GNAS-AS1: variants seen among roughly 807,000 people sequenced by gnomAD.
GNAS-AS1 encodes the protein GNAS antisense RNA 1 (non-protein coding).
At chr20:58,836,044 G>A (rs2085600622) in intron 4 of GNAS-AS1, among the ~76,000 whole-genome samples, 1 of 152,034 alleles carries the variant, frequency 6.6e-6, no homozygotes, top group South Asian at 2.1e-4. Flanking sequence ...CACTTTCAAT[G>A]CTTCCAAAAT....
At chr20:58,850,004 T>C (rs1448158382) in intron 1 of GNAS-AS1, among the ~76,000 whole-genome samples, 1 of 152,130 alleles carries the variant, frequency 6.6e-6, no homozygotes, top group African/African-American at 2.4e-5. Context: ...ATCTAATTTC[T>C]CCTAACTTTT....
At chr20:58,833,655 C>T (rs143251476) in intron 4 of GNAS-AS1, among the ~76,000 whole-genome samples, 24 of 152,286 alleles carry the variant, frequency 1.6e-4, no homozygotes, top group African/African-American at 4.8e-4. Flanking sequence ...CCGGCTAGGG[C>T]ACTGATCTGA....
At chr20:58,846,216 TAAAG>T (rs897909504) in intron 2 of GNAS-AS1, among the ~76,000 whole-genome samples, 2 of 152,156 alleles carry the variant, frequency 1.3e-5, no homozygotes, top group Non-Finnish European at 2.9e-5. Flanking sequence ...TTGGCGGTTA[TAAAG>T]AAAGTCGTTT....
Position 58,826,025 on chromosome 20 carries a change from C to G in GNAS-AS1, n.820-6770G>C. On this transcript the variant is annotated intron_variant and non_coding_transcript_variant, in intron 4 of 4. Coordinates refer to ENST00000424094, the Ensembl canonical transcript of GNAS-AS1. ...CTCCTGAGCTTGCTCTTTTGCTTACCTTTAGACGATGACTTCAGCGAGAAA... is the reference window on the plus strand; with the variant it reads ...CTCCTGAGCTTGCTCTTTTGCTTACGTTTAGACGATGACTTCAGCGAGAAA... 7.5e-6 allele frequency: 3 copies of G among 398,616 alleles called. No individual in the cohort carries two copies. The East Asian group carries it at 1.1e-4, about 14-fold the overall frequency. The allele number at this position is 398,616 out of a possible 1,614,324, so 24.7% of individuals were successfully genotyped here.
chr20:58,828,596 G>A (rs2085535168), intron 4 of GNAS-AS1, among the ~76,000 whole-genome samples: 1 of 152,200 alleles, frequency 6.6e-6, no homozygotes, highest in South Asian at 2.1e-4. Context: ...CCAGCTCCAG[G>A]ATGACTCCTG....
intron 4 of GNAS-AS1, among the ~76,000 whole-genome samples, chr20:58,833,371 C>T (rs965808): frequency 3.3e-5 from 5 of 152,028 alleles, no homozygotes; most frequent in Non-Finnish European, 5.9e-5. Context: ...GATGGGGAAG[C>T]GGGGGTCCAG....
intron 4 of GNAS-AS1, among the ~76,000 whole-genome samples, chr20:58,822,399 G>A (rs985115936): frequency 1.3e-5 from 2 of 152,144 alleles, no homozygotes; most frequent in East Asian, 1.9e-4. Flanking sequence ...GAAAGGGGGC[G>A]GCCGCACCCC....
At chr20:58,845,704 C>T (rs1485334845) in intron 2 of GNAS-AS1, among the ~76,000 whole-genome samples, 2 of 152,138 alleles carry the variant, frequency 1.3e-5, no homozygotes, top group African/African-American at 4.8e-5. Context: ...TGAGTTTTTT[C>T]AAACGCCTCC....
At chr20:58,825,127 A>G (rs1362814618) in intron 4 of GNAS-AS1, among the ~76,000 whole-genome samples, 2 of 152,268 alleles carry the variant, frequency 1.3e-5, no homozygotes, top group Admixed American at 6.5e-5. Flanking sequence ...TTGACTTATT[A>G]TTAGACAACA....
chr20:58,850,158 C>T (rs1412397840), intron 1 of GNAS-AS1, among the ~76,000 whole-genome samples: 1 of 152,174 alleles, frequency 6.6e-6, no homozygotes, highest in South Asian at 2.1e-4. Context: ...ATAGCCAAGG[C>T]GTCTATCCTT....
At chr20:58,826,872 T>TTTTTTTTTTTTTTTTG in intron 4 of GNAS-AS1, 1 of 143,004 alleles carries the variant, frequency 7.0e-6, no homozygotes, top group Non-Finnish European at 1.5e-5. Context: ...GCTTTTTTTT[T>TTTTTTTTTTTTTTTTG]TTTTTTTTTT....
At chr20:58,834,852 T>A (rs1212063991) in intron 4 of GNAS-AS1, among the ~76,000 whole-genome samples, 1 of 152,218 alleles carries the variant, frequency 6.6e-6, no homozygotes, top group Non-Finnish European at 1.5e-5. Flanking sequence ...TACAGTATTG[T>A]AATCCCAAAA....
rs1568906603 is a variant in GNAS-AS1, at chr20:58,840,108, T to A, written n.819+1829A>T. The A allele has an allele frequency of 6.2e-7, 1 of 1,610,390 alleles. No homozygotes were observed. The highest frequency in any genetic ancestry group is 1.1e-5 in the South Asian group (1 of 91,030). Reference sequence around the variant, plus strand: ...GCTTCTCGGTGTGTGCCTAAGAGGATGGATCGGAGGTCCCGGGCTCAGCAG... The same window carrying A: ...GCTTCTCGGTGTGTGCCTAAGAGGAAGGATCGGAGGTCCCGGGCTCAGCAG... On this transcript the variant is annotated intron_variant and non_coding_transcript_variant, in intron 4 of 4. Coordinates refer to ENST00000424094, the Ensembl canonical transcript of GNAS-AS1. This position sits in a 1 kb window ranked among gnomAD's most constrained non-coding sequence, Gnocchi z 6.0.
chr20:58,830,528 C>A (rs187054363), intron 4 of GNAS-AS1, among the ~76,000 whole-genome samples: 1 of 1,592 alleles, frequency 6.3e-4, no homozygotes. Flanking sequence ...ACCACACCAC[C>A]ATCATACCAT....
intron 4 of GNAS-AS1, chr20:58,819,359 C>T (rs1286525133): frequency 1.3e-5 from 5 of 397,562 alleles, no homozygotes; most frequent in Non-Finnish European, 2.2e-5. Flanking sequence ...GCGGCATGAT[C>T]GCCTGCGGTC....
intron 4 of GNAS-AS1, among the ~76,000 whole-genome samples, chr20:58,822,134 C>T (rs567803934): frequency 2.0e-5 from 3 of 152,332 alleles, no homozygotes; most frequent in Non-Finnish European, 2.9e-5. Flanking sequence ...TCCCCAGACC[C>T]GGCCATTCAA....
chr20:58,849,448 A>C (rs1568918000), intron 1 of GNAS-AS1, among the ~76,000 whole-genome samples: 1 of 152,052 alleles, frequency 6.6e-6, no homozygotes, highest in Non-Finnish European at 1.5e-5. Flanking sequence ...TGACTCCATA[A>C]ATTCATCTTT....
exon 1 of GNAS-AS1, chr20:58,850,704 G>A: frequency 2.5e-6 from 1 of 398,904 alleles, no homozygotes; most frequent in Non-Finnish European, 4.4e-6. Context: ...TTAGCCTGCC[G>A]CCATCAACAC....
chr20:58,828,748 T>C lies in GNAS-AS1; in HGVS notation n.820-9493A>G, dbSNP rs535187816. Among the ~76,000 whole-genome samples the C allele has an allele frequency of 2.6e-5, 4 of 152,348 alleles. No homozygotes were observed. In the South Asian group the frequency reaches 8.3e-4, roughly 32 times the overall value. On this transcript the variant is annotated intron_variant and non_coding_transcript_variant, in intron 4 of 4. Transcript: ENST00000424094. ...ATCTTTCTACCTGTCTGATACCTTGTCTTGATACCTTGTCACGTGCAGCCT... is the reference window on the plus strand; with the variant it reads ...ATCTTTCTACCTGTCTGATACCTTGCCTTGATACCTTGTCACGTGCAGCCT...
Sources: allele counts gnomAD v4.1 joint callset (sites outside exome capture counted in the v4.1 genomes callset), GRCh38; gene constraint gnomAD v4.1.1; non-coding constraint Gnocchi (gnomAD v3.1); transcripts MANE v1.5; gene names NCBI Gene and HGNC (gene_info 2026-07-23, HGNC 2026-07-21).